The following SPAG16 variants were observed in gnomAD, a reference collection of about 807,000 sequenced individuals.
SPAG16 encodes the protein sperm associated antigen 16.
Under a neutral mutation model 80.4 loss-of-function variants are expected in SPAG16, and 86 were observed. The observed-to-expected ratio is 1.07, with a 90% CI of 0.90 to 1.28. The LOEUF (loss-of-function observed/expected upper bound fraction) is 1.28, where lower values mean the gene tolerates loss of function less well. Ranked by LOEUF, SPAG16 falls within the 50% of genes most tolerant of loss-of-function variation. The probability of loss-of-function intolerance (pLI) is 0.00; values close to 1 mark genes in which losing one functional copy is unlikely to be tolerated. For synonymous variants in SPAG16, 294 were observed against 265.9 expected (o/e 1.11, Z -1.03); for missense variants, 870 against 765.3 (o/e 1.14, Z -1.61).
At chr2:213,488,410 C>T (rs965257279) in intron 9 of SPAG16, among the ~76,000 whole-genome samples, 2 of 152,100 alleles carry the variant, frequency 1.3e-5, no homozygotes, top group Non-Finnish European at 2.9e-5. Flanking sequence ...ATTTACACTT[C>T]TAGTACTATG....
At chr2:214,057,160 CAGA>C (rs546877915) in intron 13 of SPAG16, among the ~76,000 whole-genome samples, 326 of 142,934 alleles carry the variant, frequency 2.3e-3, no homozygotes, top group Middle Eastern at 0.014. Flanking sequence ...TGTTCCTTTC[CAGA>C]AGGTTTTCAG....
intron 10 of SPAG16, among the ~76,000 whole-genome samples, chr2:213,634,877 T>C (rs955039536): frequency 1.3e-5 from 2 of 152,060 alleles, no homozygotes; most frequent in African/African-American, 4.8e-5. Context: ...CCTGAGTAAC[T>C]TCACTTGGAA....
intron 14 of SPAG16, among the ~76,000 whole-genome samples, chr2:214,108,479 A>ACC (rs1553719294): frequency 0.012 from 621 of 52,376 alleles, 10 homozygotes; most frequent in East Asian, 0.06. Context: ...ACACACACAC[A>ACC]CCCCCACACA....
At chr2:213,993,671 G>A (rs1351326411) in intron 12 of SPAG16, among the ~76,000 whole-genome samples, 1 of 152,092 alleles carries the variant, frequency 6.6e-6, no homozygotes, top group East Asian at 1.9e-4. Context: ...GTAAAATTCA[G>A]GTTTTGTTTA....
chr2:213,643,346 TTTTATATA>T lies in SPAG16; in HGVS notation c.1070+153258_1070+153265del, dbSNP rs1258379115. Among the ~76,000 whole-genome samples, 23 of 72,670 alleles carry T rather than the reference TTTTATATA, an allele frequency of 3.2e-4. 4 individuals are homozygous for T. Among genetic ancestry groups the T allele is most frequent in the Middle Eastern group, 0.015 (2 of 134 alleles). 47.7% of individuals were successfully genotyped at this position (72,670 alleles called of 152,430 possible). A position where few individuals can be genotyped will look rare whatever the true frequency, so the allele number is the denominator to read the frequency against. On this transcript the variant is annotated intron_variant, in intron 10 of 15. Transcript: ENST00000331683. ...TGCTGCCAGATGTATTGGATCTTAATTTTATATATATATATATATATATATATATATAT... is the reference window on the plus strand; with the variant it reads ...TGCTGCCAGATGTATTGGATCTTAATTATATATATATATATATATATATAT...
At chr2:214,296,817 G>A (rs1216386239) in intron 15 of SPAG16, among the ~76,000 whole-genome samples, 2 of 152,158 alleles carry the variant, frequency 1.3e-5, no homozygotes, top group African/African-American at 2.4e-5. Flanking sequence ...GTTGAGTCAT[G>A]GAGACAGATC....
At chr2:213,956,362 A>G (rs2044135039) in intron 12 of SPAG16, among the ~76,000 whole-genome samples, 1 of 151,098 alleles carries the variant, frequency 6.6e-6, no homozygotes. Flanking sequence ...TTGTTCTTAT[A>G]GTTCCTTAGT....
At chr2:213,308,753 G>T (rs756126805) in intron 3 of SPAG16, among the ~76,000 whole-genome samples, 2 of 152,102 alleles carry the variant, frequency 1.3e-5, no homozygotes, top group Non-Finnish European at 2.9e-5. Flanking sequence ...ATATCTGGTG[G>T]TATTCCGTGT....
At chr2:214,243,357 T>C (rs1007990717) in intron 15 of SPAG16, among the ~76,000 whole-genome samples, 1 of 152,138 alleles carries the variant, frequency 6.6e-6, no homozygotes, top group African/African-American at 2.4e-5. Context: ...CTATATTTAT[T>C]TATAAAATAT....
At chr2:213,339,767 C>G (rs1426609003) in intron 5 of SPAG16, among the ~76,000 whole-genome samples, 4 of 151,400 alleles carry the variant, frequency 2.6e-5, no homozygotes, top group Non-Finnish European at 5.9e-5. Flanking sequence ...CTAGGAAGTT[C>G]AGAGTTAAAT....
At chr2:213,946,115 G>A (rs2079448867) in intron 12 of SPAG16, among the ~76,000 whole-genome samples, 1 of 151,980 alleles carries the variant, frequency 6.6e-6, no homozygotes, top group Non-Finnish European at 1.5e-5. Context: ...GTAGATTGTT[G>A]GGGAAATTTT....
intron 10 of SPAG16, among the ~76,000 whole-genome samples, chr2:213,498,433 A>G (rs112522079): frequency 5.3e-5 from 8 of 152,302 alleles, no homozygotes; most frequent in African/African-American, 1.9e-4. Flanking sequence ...TGATATTGTC[A>G]TATTGGTTTA....
At chr2:214,000,285 A>G (rs990228679) in intron 12 of SPAG16, among the ~76,000 whole-genome samples, 2 of 152,116 alleles carry the variant, frequency 1.3e-5, no homozygotes, top group African/African-American at 4.8e-5. Flanking sequence ...AATAAGTCTC[A>G]CGAGTTCTGA....
intron 13 of SPAG16, among the ~76,000 whole-genome samples, chr2:214,071,094 A>G (rs1456820982): frequency 2.0e-5 from 3 of 152,148 alleles, no homozygotes; most frequent in Non-Finnish European, 4.4e-5. Context: ...CACACAAAGA[A>G]TATTGAGTAG....
chr2:213,654,946 T>C (rs1163132624), intron 10 of SPAG16, among the ~76,000 whole-genome samples: 1 of 152,210 alleles, frequency 6.6e-6, no homozygotes, highest in African/African-American at 2.4e-5. Flanking sequence ...AAATATTTGA[T>C]GTTCATAGTG....
chr2:213,517,792 C>T (rs2075494209), intron 10 of SPAG16, among the ~76,000 whole-genome samples: 1 of 152,066 alleles, frequency 6.6e-6, no homozygotes, highest in African/African-American at 2.4e-5. Context: ...TTACCATATA[C>T]AAAAATTAAC....
chr2:213,671,448 G>A (rs1316924474), intron 10 of SPAG16, among the ~76,000 whole-genome samples: 1 of 151,892 alleles, frequency 6.6e-6, no homozygotes, highest in Non-Finnish European at 1.5e-5. Context: ...GTCCATGAGT[G>A]GCATACATAG....
chr2:213,556,470 A>C (rs1455467507), intron 10 of SPAG16, among the ~76,000 whole-genome samples: 22 of 152,116 alleles, frequency 1.4e-4, no homozygotes. Flanking sequence ...CAGATACAGT[A>C]GATCTTAAGT....
chr2:214,367,747 A>T (rs1046787217), intron 15 of SPAG16, among the ~76,000 whole-genome samples: 2 of 151,974 alleles, frequency 1.3e-5, no homozygotes, highest in Non-Finnish European at 2.9e-5. Context: ...TTTCCCTACC[A>T]CTTGTCCAGT....
Sources: allele counts gnomAD v4.1 joint callset (sites outside exome capture counted in the v4.1 genomes callset), GRCh38; gene constraint gnomAD v4.1.1; transcripts MANE v1.5; gene names NCBI Gene and HGNC (gene_info 2026-07-23, HGNC 2026-07-21).